The following ABCB5 variants were observed in gnomAD, a reference collection of about 807,000 sequenced individuals.
ABCB5 encodes ATP-binding cassette sub-family B member 5.
In ABCB5, 155 loss-of-function variants were observed where a neutral mutation model predicts 144.2. The ratio of observed to expected loss-of-function variants is 1.08; its 90% confidence interval spans 0.94 to 1.23. ABCB5 has a LOEUF of 1.23. Among genes scored for constraint, ABCB5 ranks in the 50% most tolerant of loss-of-function variants. ABCB5 has a pLI of 0.00. For missense variants in ABCB5, 1,830 were observed against 1,520.8 expected (o/e 1.20, Z -3.38); for synonymous variants, 610 against 528.6 (o/e 1.15, Z -2.11).
chr7:20,706,038 G>A (rs182819182), intron 20 of ABCB5, among the ~76,000 whole-genome samples: 4 of 152,170 alleles, frequency 2.6e-5, no homozygotes, highest in Admixed American at 2.6e-4. Context: ...CTAGAATTTT[G>A]TTAGATAGTA....
intron 14 of ABCB5, among the ~76,000 whole-genome samples, chr7:20,668,777 T>C (rs1432391658): frequency 1.4e-4 from 18 of 129,144 alleles, no homozygotes; most frequent in Admixed American, 1.2e-3. Context: ...GAGGGGCGCC[T>C]CTGCCCGGCC....
chr7:20,647,542 T>A lies in ABCB5; in HGVS notation c.989T>A (p.Phe330Tyr), dbSNP rs778723798. 1 of 1,565,124 alleles carries A rather than the reference T, an allele frequency of 6.4e-7. No homozygotes were observed. The highest frequency in any genetic ancestry group is 2.0e-5 in the Admixed American group (1 of 50,276). The change falls in exon 10 of 28, where the codon TTT becomes TAT. Residue 330 changes from phenylalanine (F) to tyrosine (Y), a missense_variant. By Grantham distance (22) the Phe-to-Tyr change is conservative (BLOSUM62 3). Transcript: ENST00000404938. ...CTTTGTTTGTTCCTGTAGGTTTTCT[T>A]TAGTGTAATCCATAGCAGTTATTGC... ...YTIGTVLAVF[F>Y]SVIHSSYCIG...
chr7:20,681,450 A>G lies in ABCB5; in HGVS notation c.1708-55A>G, dbSNP rs568585740. 1.1e-4 allele frequency: 171 copies of G among 1,591,428 alleles called. 2 individuals carry two copies. The South Asian group carries it at 1.9e-3, about 18-fold the overall frequency. ...TCAACAAAGATTTCTTAAACAGTGC[A>G]AAGGTTGTTATTTCTACTAATGTCT... On this transcript the variant is annotated intron_variant, in intron 14 of 27. Transcript: ENST00000404938.
chr7:20,651,668 G>A (rs754289919), intron 13 of ABCB5, 45 bp downstream of exon 13: 6 of 1,576,706 alleles, frequency 3.8e-6, no homozygotes, highest in Admixed American at 1.7e-5. Context: ...TGGTGGCAGC[G>A]CTGCGACATT....
chr7:20,706,598 T>G (rs1786832524), intron 20 of ABCB5, among the ~76,000 whole-genome samples: 2 of 152,244 alleles, frequency 1.3e-5, no homozygotes, highest in Non-Finnish European at 2.9e-5. Flanking sequence ...AGTGCTGGTC[T>G]CACAATAACT....
intron 26 of ABCB5, among the ~76,000 whole-genome samples, 176 bp downstream of exon 26, chr7:20,745,614 G>C (rs113642230): frequency 1.3e-5 from 2 of 152,170 alleles, no homozygotes; most frequent in East Asian, 3.8e-4. Flanking sequence ...TGAGATTTTC[G>C]TGTGACGATT....
rs762127948 is a variant in ABCB5, at chr7:20,659,044, T to C, written c.1707+368T>C. Reference sequence around the variant, plus strand: ...TACATACACCTGTGGGATTCTCTTCTCTGACCACTTTTCTTCTTTAGGATA... The same window carrying C: ...TACATACACCTGTGGGATTCTCTTCCCTGACCACTTTTCTTCTTTAGGATA... On this transcript the variant is annotated intron_variant, in intron 14 of 27. Transcript: ENST00000404938. The C allele has an allele frequency of 1.9e-6, 3 of 1,612,356 alleles. No individual in the cohort carries two copies. The East Asian group carries it at 6.7e-5, about 36-fold the overall frequency.
intron 21 of ABCB5, among the ~76,000 whole-genome samples, chr7:20,726,559 G>A (rs1782043610): frequency 6.6e-6 from 1 of 151,884 alleles, no homozygotes; most frequent in Admixed American, 6.6e-5. Flanking sequence ...TAGAGACAGG[G>A]TTTTACCATG....
intron 27 of ABCB5, among the ~76,000 whole-genome samples, chr7:20,754,884 T>C (rs73265734): frequency 6.6e-6 from 1 of 152,196 alleles, no homozygotes; most frequent in Non-Finnish European, 1.5e-5. Flanking sequence ...AACAACTATT[T>C]CATTTTTATT....
chr7:20,712,305 C>G (rs1227563338), intron 20 of ABCB5, among the ~76,000 whole-genome samples: 1 of 147,502 alleles, frequency 6.8e-6, no homozygotes, highest in East Asian at 2.0e-4. Flanking sequence ...AAGATGCTCT[C>G]TTTATCACTG....
chr7:20,617,006 C>T (rs751217047), intron 1 of ABCB5, among the ~76,000 whole-genome samples: 72 of 152,226 alleles, frequency 4.7e-4, no homozygotes, highest in Admixed American at 5.9e-4. Flanking sequence ...TTATCTTCTA[C>T]AAGGGGCTTT....
chr7:20,668,726 G>T (rs1224611317), intron 14 of ABCB5, among the ~76,000 whole-genome samples: 2 of 144,588 alleles, frequency 1.4e-5, no homozygotes, highest in South Asian at 2.3e-4. Flanking sequence ...GGAGGTGGGG[G>T]GGTCAGCCCC....
chr7:20,698,544 T>G lies in ABCB5; in HGVS notation c.2148T>G (p.Ile716Met). Residue 716 changes from isoleucine to methionine, a missense_variant, in exon 17 of 28, where the codon ATT (isoleucine) becomes ATG (methionine). Physicochemically the swap from Ile to Met is conservative, Grantham distance 10 (BLOSUM62 1). Transcript: ENST00000404938. ...HPVFSIIFAK[I>M]ITMFGNNDKT... Reference sequence around the variant, plus strand: ...TATTTTCCATCATCTTTGCAAAAATTATAACCGTAAGTAAAATAAATTTGC... The same window carrying G: ...TATTTTCCATCATCTTTGCAAAAATGATAACCGTAAGTAAAATAAATTTGC... 1 of 1,590,904 alleles carries G rather than the reference T, an allele frequency of 6.3e-7. No individual in the cohort carries two copies. Among genetic ancestry groups the G allele is most frequent in the Non-Finnish European group, 8.5e-7 (1 of 1,173,716 alleles).
rs115061986 is a variant in ABCB5, at chr7:20,617,889, T to C, written c.-22+2052T>C. On this transcript the variant is annotated intron_variant, in intron 1 of 27. Transcript: ENST00000404938. ...GACAACAAAGAACATTAGATAGTGA[T>C]AAAACAGTCAAATCACCAAGAAGAT... is the stretch of plus-strand genomic sequence containing the variant. 8.6e-3 allele frequency among the ~76,000 whole-genome samples: 1,305 copies of C among 152,188 alleles called. 18 individuals carry two copies. Among genetic ancestry groups the C allele is most frequent in the African/African-American group, 0.03 (1,256 of 41,528 alleles).
At chr7:20,633,802 C>T (rs1244826621) in intron 5 of ABCB5, among the ~76,000 whole-genome samples, 2 of 152,064 alleles carry the variant, frequency 1.3e-5, no homozygotes, top group Non-Finnish European at 2.9e-5. Context: ...CTAGTATCCT[C>T]TGTTCTTCTT....
At chr7:20,667,263 A>C in intron 14 of ABCB5, 10 of 983,370 alleles carry the variant, frequency 1.0e-5, no homozygotes, top group Non-Finnish European at 1.2e-5. Flanking sequence ...TGGCAAAGTA[A>C]AGATGACACA....
chr7:20,717,494 C>G lies in ABCB5; in HGVS notation c.2422-5522C>G, dbSNP rs10230482. On this transcript the variant is annotated intron_variant, in intron 20 of 27. Coordinates refer to ENST00000404938, the MANE Select transcript of ABCB5 (RefSeq NM_001163941.2). The stretch of plus-strand genomic sequence containing the variant: ...CTTTTGCTCTGTCTCCCAGGCTGGA[C>G]TGCAGTGGCGTTATGTTGGCTCACT... Among the ~76,000 whole-genome samples, 1,165 of 147,756 alleles carry G rather than the reference C, an allele frequency of 7.9e-3. 17 individuals are homozygous for G. The highest frequency in any genetic ancestry group is 0.031 in the Middle Eastern group (9 of 286).
Position 20,679,471 on chromosome 7 carries a change from C to CAAAAA in ABCB5, c.1708-2023_1708-2019dup, listed in dbSNP as rs768696376. On this transcript the variant is annotated intron_variant, in intron 14 of 27. Coordinates refer to ENST00000404938, the MANE Select transcript of ABCB5 (RefSeq NM_001163941.2). The stretch of plus-strand genomic sequence containing the variant: ...GGGCAACAAGAGCTAAACTCCATCT[C>CAAAAA]AAAAAAAAAAAAAAAGAGAGAGAGA... 7.4e-4 allele frequency among the ~76,000 whole-genome samples: 44 copies of CAAAAA among 59,440 alleles called. 1 individual carries two copies. Among genetic ancestry groups the CAAAAA allele is most frequent in the African/African-American group, 2.8e-3 (34 of 12,040 alleles). 39.0% of individuals were successfully genotyped at this position (59,440 alleles called of 152,430 possible). A position where few individuals can be genotyped will look rare whatever the true frequency, so the allele number is the denominator to read the frequency against.
chr7:20,667,846 C>T (rs370062232), intron 14 of ABCB5, among the ~76,000 whole-genome samples: 1 of 142,804 alleles, frequency 7.0e-6, no homozygotes, highest in Non-Finnish European at 1.6e-5. Context: ...CTCAGCCTGC[C>T]GAGTGCCTGC....
Sources: gnomAD v4.1 joint callset for allele counts (sites outside exome capture counted in the v4.1 genomes callset) on GRCh38, gnomAD v4.1.1 for gene constraint, MANE v1.5 for transcripts, NCBI Gene and HGNC (gene_info 2026-07-23, HGNC 2026-07-21) for gene names.